TMEM205: variants seen among roughly 807,000 people sequenced by gnomAD.
TMEM205 encodes the protein transmembrane protein 205.
A neutral mutation model predicts 17.9 loss-of-function variants in TMEM205; 11 were observed. The observed-to-expected ratio is 0.61, with a 90% CI of 0.39 to 1.02. The LOEUF is 1.02. Ranked by LOEUF, TMEM205 falls within the 50% of genes least tolerant of loss-of-function variation. The pLI, the probability that TMEM205 is intolerant of heterozygous loss-of-function variation, is 0.01. For synonymous variants in TMEM205, 86 were observed against 97.4 expected (o/e 0.88, Z 0.69); for missense variants, 236 against 239.4 (o/e 0.99, Z 0.09).
chr19:11,345,669 C>T lies in TMEM205; in HGVS notation c.-50G>A. On this transcript the variant is annotated 5_prime_UTR_variant, in exon 1 of 3. Transcript: ENST00000354882. ...CGGGTGGCTCAGAACTTTACCTTTG[C>T]CTCATGCGTGGCCTTCAGACCCTGT... 5 of 1,609,438 alleles carry T rather than the reference C, an allele frequency of 3.1e-6. No individual in the cohort carries two copies. The highest frequency in any genetic ancestry group is 2.5e-6 in the Non-Finnish European group (3 of 1,178,056).
upstream of TMEM205, chr19:11,346,345 G>A (rs1295076160): frequency 3.2e-5 from 18 of 555,736 alleles, 2 homozygotes; most frequent in Admixed American, 6.1e-4. Context: ...TTTCTATCCC[G>A]CCCTCCTGGG....
chr19:11,344,030 C>T (rs1357759074), intron 2 of TMEM205, among the ~76,000 whole-genome samples: 6 of 150,942 alleles, frequency 4.0e-5, no homozygotes, highest in African/African-American at 9.8e-5. Flanking sequence ...CTGCAATCTC[C>T]GCCTCCTGGG....
chr19:11,343,002 C>T lies in TMEM205; in HGVS notation c.383G>A (p.Gly128Glu). The change falls in exon 3 of 3, where the codon GGG becomes GAG. Residue 128 changes from glycine to glutamate, a missense_variant. Gly to Glu is a moderately conservative substitution (Grantham distance 98). Coordinates refer to ENST00000354882, the MANE Select transcript of TMEM205 (RefSeq NM_198536.3). ...QTVEKERGLGGEVPGSHQGPD... is the reference protein window; with the variant it reads ...QTVEKERGLGEEVPGSHQGPD... ...ACCCTGGTGGCTGCCTGGTACCTCC[C>T]CACCCAGGCCTCGCTCCTTCTCCAC... The T allele has an allele frequency of 6.2e-7, 1 of 1,614,182 alleles. No individual in the cohort carries two copies. Among genetic ancestry groups the T allele is most frequent in the Non-Finnish European group, 8.5e-7 (1 of 1,180,026 alleles).
chr19:11,342,791 AT>A lies in TMEM205; in HGVS notation c.*23del. The stretch of plus-strand genomic sequence containing the variant: ...AGACAGCAGCCATTTCTGAAGAAGC[AT>A]TTATTAGCATGCAGGGCCCATGCTA... On this transcript the variant is annotated 3_prime_UTR_variant, in exon 3 of 3. Transcript: ENST00000354882. 2 of 1,583,386 alleles carry A rather than the reference AT, an allele frequency of 1.3e-6. No individual in the cohort carries two copies. Among genetic ancestry groups the A allele is most frequent in the Non-Finnish European group, 1.7e-6 (2 of 1,165,452 alleles).
In TMEM205 at chr19:11,345,380, A is replaced by C; in HGVS notation, c.136T>G (p.Phe46Val). ...LLFRSLPRHT[F>V]GLVQSKLFPF... ...AAGAGTTTGCTCTGCACTAGTCCGAAGGTATGTCGGGGAAGGCTTCGGAAA... is the reference window on the plus strand; with the variant it reads ...AAGAGTTTGCTCTGCACTAGTCCGACGGTATGTCGGGGAAGGCTTCGGAAA... The change falls in exon 2 of 3, where the codon TTC (phenylalanine) becomes GTC (valine). Residue 46 changes from phenylalanine (F) to valine (V), a missense_variant. Phe to Val is a conservative substitution (Grantham distance 50). Transcript: ENST00000354882. 1 of 1,614,138 alleles carries C rather than the reference A, an allele frequency of 6.2e-7. No individual in the cohort carries two copies. Among genetic ancestry groups the C allele is most frequent in the East Asian group, 2.2e-5 (1 of 44,878 alleles).
At chr19:11,344,362 G>GA (rs1568305645) in intron 2 of TMEM205, among the ~76,000 whole-genome samples, 82 of 151,116 alleles carry the variant, frequency 5.4e-4, no homozygotes, top group Middle Eastern at 3.4e-3. Flanking sequence ...ATAAATAAAA[G>GA]GAAAAAAAAA....
In TMEM205 at chr19:11,345,716, T is replaced by C. The variant is rs577913255; in HGVS notation, c.-97A>G. The C allele has an allele frequency of 4.5e-5, 69 of 1,536,442 alleles. No individual in the cohort carries two copies. The South Asian group carries it at 7.8e-4, about 17-fold the overall frequency. ...CTGTGAGCCCGCTCGGGGACAGGGT[T>C]ACGGCCAATCCAGCAGAGATTCTGG... On this transcript the variant is annotated 5_prime_UTR_variant, in exon 1 of 3. Transcript: ENST00000354882.
rs561583067 is a variant in TMEM205 at position 11,345,275 on chromosome 19, G to A, written c.241C>T (p.Leu81Phe). 6.2e-7 allele frequency: 1 copy of A among 1,614,174 alleles called. No individual in the cohort carries two copies. The highest frequency in any genetic ancestry group is 1.1e-5 in the South Asian group (1 of 91,084). Residue 81 changes from leucine (L) to phenylalanine (F), a missense_variant, in exon 2 of 3, where the codon CTC becomes TTC. By Grantham distance (22) the Leu-to-Phe change is conservative. Transcript: ENST00000354882. ...ILASQHAWAQLTFWEASQLYL... is the reference protein window; with the variant it reads ...ILASQHAWAQFTFWEASQLYL... ...ACCTGGCTGGCCTCCCAGAATGTGA[G>A]CTGAGCCCAAGCATGCTGTGAAGCC...
At chr19:11,346,492 TA>T, upstream of TMEM205, 1 of 1,319,450 alleles carries the variant, frequency 7.6e-7, no homozygotes, top group Non-Finnish European at 1.1e-6. Flanking sequence ...GGGGCGGAAC[TA>T]AAATGCCGGC....
At position 11,345,360 on chromosome 19, in the gene TMEM205, T is replaced by G. The variant is rs1163828161; in HGVS notation, c.156A>C (p.Lys52Asn). Residue 52 changes from lysine (K) to asparagine (N), a missense_variant, in exon 2 of 3, where the codon AAA (lysine) becomes AAC (asparagine). Coordinates refer to ENST00000354882, the MANE Select transcript of TMEM205 (RefSeq NM_198536.3). Reference protein sequence around the residue: ...PRHTFGLVQSKLFPFYFHISM... With the variant: ...PRHTFGLVQSNLFPFYFHISM... ...AGATGTGGAAGTAGAAGGGGAAGAG[T>G]TTGCTCTGCACTAGTCCGAAGGTAT... 1 of 1,613,722 alleles carries G rather than the reference T, an allele frequency of 6.2e-7. No individual in the cohort carries two copies. Among genetic ancestry groups the G allele is most frequent in the African/African-American group, 1.3e-5 (1 of 74,864 alleles).
At chr19:11,343,839 C>G (rs1336612360) in intron 2 of TMEM205, among the ~76,000 whole-genome samples, 1 of 151,784 alleles carries the variant, frequency 6.6e-6, no homozygotes, top group Non-Finnish European at 1.5e-5. Flanking sequence ...GTGGCTCATG[C>G]CTGTAATCTG....
chr19:11,346,491 C>T, upstream of TMEM205: 1 of 1,309,208 alleles, frequency 7.6e-7, no homozygotes, highest in Non-Finnish European at 1.1e-6. Flanking sequence ...AGGGGCGGAA[C>T]TAAAATGCCG....
Position 11,345,423 on chromosome 19 carries a change from G to A in TMEM205, c.101-8C>T. ...TTCGGAAAAGCAGGAAGCCTGCAGGGTATGGGGACCACAGGGGTGTTAGGG... is the reference window on the plus strand; with the variant it reads ...TTCGGAAAAGCAGGAAGCCTGCAGGATATGGGGACCACAGGGGTGTTAGGG... On this transcript the variant is annotated splice_polypyrimidine_tract_variant and splice_region_variant and intron_variant, in intron 1 of 2. Transcript: ENST00000354882. 6.2e-7 allele frequency: 1 copy of A among 1,614,134 alleles called. No homozygotes were observed. Among genetic ancestry groups the A allele is most frequent in the Non-Finnish European group, 8.5e-7 (1 of 1,180,012 alleles).
chr19:11,343,940 CTT>C (rs1160054893), intron 2 of TMEM205, among the ~76,000 whole-genome samples: 8 of 124,594 alleles, frequency 6.4e-5, no homozygotes, highest in Admixed American at 2.4e-4. Flanking sequence ...AGACCCTCAT[CTT>C]TTTTTTTTTT....
rs201004133 is a variant in TMEM205, at chr19:11,344,775, G to GT, written c.264+476dup. On this transcript the variant is annotated intron_variant, in intron 2 of 2. Transcript: ENST00000354882. ...TCAAGGGTATCCAGAGCCCAGCTTTGTATCTACCAGGAAGAAGGGGCTCCC... is the reference window on the plus strand; with the variant it reads ...TCAAGGGTATCCAGAGCCCAGCTTTGTTATCTACCAGGAAGAAGGGGCTCCC... 1,103 of 181,670 alleles carry GT rather than the reference G, an allele frequency of 6.1e-3. 18 individuals carry two copies. Among genetic ancestry groups the GT allele is most frequent in the African/African-American group, 0.025 (1,030 of 41,586 alleles). The allele number at this position is 181,670 out of a possible 1,614,324, so 11.3% of individuals were successfully genotyped here.
Position 11,345,781 on chromosome 19 carries a change from A to T in TMEM205, c.-162T>A. On this transcript the variant is annotated 5_prime_UTR_variant, in exon 1 of 3. Coordinates refer to ENST00000354882, the MANE Select transcript of TMEM205 (RefSeq NM_198536.3). ...AATGAGAGTGAGAAAGGCCCAAAGC[A>T]GTCAAGGCCCAAAGACAACCCTCGA... The T allele has an allele frequency of 7.3e-7, 1 of 1,378,448 alleles. No homozygotes were observed. Among genetic ancestry groups the T allele is most frequent in the South Asian group, 1.5e-5 (1 of 67,148 alleles). 85.4% of individuals were successfully genotyped at this position (1,378,448 alleles called of 1,614,324 possible).
chr19:11,343,359 C>A (rs558590926), intron 2 of TMEM205, among the ~76,000 whole-genome samples: 1 of 152,212 alleles, frequency 6.6e-6, no homozygotes, highest in Non-Finnish European at 1.5e-5. Context: ...TCCTCTATCC[C>A]CCCGCAAAAC....
chr19:11,343,055 G>A lies in TMEM205; in HGVS notation c.330C>T (p.Thr110=). ...TVNARWLEPR[T]TAAMWALQTV... ...TTTGCAGGGCCCACATGGCAGCTGTGGTGCGGGGTTCCAGCCAGCGGGCGT... is the reference window on the plus strand; with the variant it reads ...TTTGCAGGGCCCACATGGCAGCTGTAGTGCGGGGTTCCAGCCAGCGGGCGT... Residue 110 remains threonine, a synonymous_variant, in exon 3 of 3, where the codon ACC becomes ACT. Transcript: ENST00000354882. 1 of 1,614,058 alleles carries A rather than the reference G, an allele frequency of 6.2e-7. No homozygotes were observed. Among genetic ancestry groups the A allele is most frequent in the Non-Finnish European group, 8.5e-7 (1 of 1,180,004 alleles).
At chr19:11,343,499 G>A (rs1161871054) in intron 2 of TMEM205, among the ~76,000 whole-genome samples, 1 of 152,222 alleles carries the variant, frequency 6.6e-6, no homozygotes. Context: ...AAGTCTTTGA[G>A]TGGCTGGGCG....
Sources: gnomAD v4.1 joint callset for allele counts (sites outside exome capture counted in the v4.1 genomes callset) on GRCh38, gnomAD v4.1.1 for gene constraint, MANE v1.5 for transcripts, NCBI Gene and HGNC (gene_info 2026-07-23, HGNC 2026-07-21) for gene names.